KCNJ5: variants seen among roughly 807,000 people sequenced by gnomAD.
KCNJ5 encodes G protein-activated inward rectifier potassium channel 4.
Under a neutral mutation model 20.2 loss-of-function variants are expected in KCNJ5, and 12 were observed. The observed-to-expected ratio is 0.59, with a 90% confidence interval of 0.38 to 0.96. The LOEUF is 0.96. Ranked by LOEUF, KCNJ5 falls within the 40% of genes least tolerant of loss-of-function variation. The probability of loss-of-function intolerance (pLI) is 0.00; values close to 1 mark genes in which losing one functional copy is unlikely to be tolerated. For synonymous variants in KCNJ5, 210 were observed against 213.9 expected, an observed-to-expected ratio of 0.98 and a Z score of 0.16; for missense variants, 449 against 557.6, an observed-to-expected ratio of 0.81 and a Z score of 1.96.
chr11:128,907,942 G>A (rs747868968), intron 1 of KCNJ5, among the ~76,000 whole-genome samples: 5 of 152,170 alleles, frequency 3.3e-5, no homozygotes, highest in Non-Finnish European at 7.4e-5. Context: ...TTAATAGAAC[G>A]GATCTCGAAA....
In KCNJ5 at chr11:128,911,816, C is replaced by T. The variant is rs376924415; in HGVS notation, c.543C>T (p.Phe181=). ...QAILGSIVNA[F]MVGCMFVKIS... ...TCCTGGGCTCCATCGTCAATGCCTT[C>T]ATGGTGGGGTGCATGTTTGTCAAGA... The change falls in exon 2 of 3, where the codon TTC becomes TTT. Residue 181 remains phenylalanine (F), a synonymous_variant. Coordinates refer to ENST00000529694, the MANE Select transcript of KCNJ5 (RefSeq NM_000890.5). The surrounding 1 kb of genome is among the most constrained non-coding windows in gnomAD (Gnocchi z 6.3). 6.2e-7 allele frequency: 1 copy of T among 1,614,202 alleles called. No individual in the cohort carries two copies. Among genetic ancestry groups the T allele is most frequent in the African/African-American group, 1.3e-5 (1 of 75,050 alleles).
In KCNJ5 at chr11:128,907,872, C is replaced by T. The variant is rs76524184; in HGVS notation, c.-10-3392C>T. ...TTCTTCACTGCTTTATGTCCAGCTC[C>T]TAGCACAGGGGTTTGGCTATAGTAG... On this transcript the variant is annotated intron_variant, in intron 1 of 2. Coordinates refer to ENST00000529694, the MANE Select transcript of KCNJ5 (RefSeq NM_000890.5). Among the ~76,000 whole-genome samples the T allele has an allele frequency of 5.3e-4, 80 of 152,352 alleles. 1 individual carries two copies. In the East Asian group the frequency reaches 0.012, roughly 24 times the overall value.
At chr11:128,901,385 C>G (rs1386547219) in intron 1 of KCNJ5, 1 of 151,338 alleles carries the variant, frequency 6.6e-6, no homozygotes, top group Non-Finnish European at 1.5e-5. Flanking sequence ...GTAGTGCACG[C>G]AAACACACAC....
rs1235972259 is a variant in KCNJ5 at position 128,911,626 on chromosome 11, T to C, written c.353T>C (p.Leu118Pro). The change falls in exon 2 of 3, where the codon CTG becomes CCG. Residue 118 changes from leucine to proline, a missense_variant. Coordinates refer to ENST00000529694, the MANE Select transcript of KCNJ5 (RefSeq NM_000890.5). The surrounding 1 kb of genome is among the most constrained non-coding windows in gnomAD (Gnocchi z 6.3). Reference protein sequence around the residue: ...WWLIAYIRGDLDHVGDQEWIP... With the variant: ...WWLIAYIRGDPDHVGDQEWIP... ...CTCATTGCTTATATCCGGGGTGACC[T>C]GGACCATGTTGGCGACCAAGAGTGG... is the stretch of plus-strand genomic sequence containing the variant. 2.5e-6 allele frequency: 4 copies of C among 1,614,222 alleles called. No homozygotes were observed. In the South Asian group the frequency reaches 4.4e-5, roughly 18 times the overall value.
intron 1 of KCNJ5, among the ~76,000 whole-genome samples, chr11:128,895,442 G>C (rs1286598105): frequency 1.3e-5 from 2 of 149,570 alleles, no homozygotes; most frequent in Non-Finnish European, 3.0e-5. Flanking sequence ...GGAACCCTGG[G>C]CAGTGGGAGG....
chr11:128,904,986 TGC>T (rs1469612470), intron 1 of KCNJ5, among the ~76,000 whole-genome samples: 2 of 152,248 alleles, frequency 1.3e-5, no homozygotes, highest in Non-Finnish European at 2.9e-5. Flanking sequence ...CCGGGCTCTG[TGC>T]CATTAAACCT....
intron 1 of KCNJ5, among the ~76,000 whole-genome samples, chr11:128,908,860 C>T (rs1944462463): frequency 6.6e-6 from 1 of 152,130 alleles, no homozygotes. Context: ...ATACACGGGG[C>T]CTCGGGACAG....
intron 2 of KCNJ5, among the ~76,000 whole-genome samples, chr11:128,914,652 G>A (rs1467889642): frequency 6.6e-6 from 1 of 152,226 alleles, no homozygotes; most frequent in Non-Finnish European, 1.5e-5. Context: ...GCAAAGTGAG[G>A]AAAATCAATC....
In KCNJ5 at chr11:128,912,485, T is replaced by C. The variant is rs1468062153; in HGVS notation, c.937+275T>C. Among the ~76,000 whole-genome samples the C allele has an allele frequency of 2.7e-5, 4 of 146,758 alleles. No individual in the cohort carries two copies. In the East Asian group the frequency reaches 8.0e-4, roughly 29 times the overall value. ...ATGTCCTCCCACGCCCTATGAGATA[T>C]AGTGGGTTATTGTTGTTGTTGTTTT... On this transcript the variant is annotated intron_variant, in intron 2 of 2. Transcript: ENST00000529694.
intron 1 of KCNJ5, among the ~76,000 whole-genome samples, chr11:128,898,389 T>C (rs1415204270): frequency 6.6e-6 from 1 of 152,282 alleles, no homozygotes; most frequent in Non-Finnish European, 1.5e-5. Flanking sequence ...TTGTGTCGCC[T>C]TGGACATTAG....
At chr11:128,912,686 T>A (rs1465177924) in intron 2 of KCNJ5, among the ~76,000 whole-genome samples, 1 of 152,132 alleles carries the variant, frequency 6.6e-6, no homozygotes, top group Non-Finnish European at 1.5e-5. Context: ...AATTTTTGTA[T>A]TTTTAGTAGA....
chr11:128,912,019 TC>T lies in KCNJ5; in HGVS notation c.747del (p.Phe249LeufsTer4). The T allele has an allele frequency of 6.2e-7, 1 of 1,611,532 alleles. No individual in the cohort carries two copies. The highest frequency in any genetic ancestry group is 1.1e-5 in the South Asian group (1 of 91,002). ...TCCCGGCAGACCAAAGAGGGGGAGT[TC>T]ATCCCCCTGAACCAGACAGACATCA... The part of the protein sequence containing the change: ...IKSRQTKEGE[F>X]IPLNQTDINV... On this transcript the variant is annotated frameshift_variant, in exon 2 of 3. Coordinates refer to ENST00000529694, the MANE Select transcript of KCNJ5 (RefSeq NM_000890.5). LOFTEE classifies it high-confidence loss of function.
intron 1 of KCNJ5, chr11:128,902,459 G>A: frequency 2.1e-5 from 32 of 1,494,690 alleles, no homozygotes; most frequent in Non-Finnish European, 2.8e-5. Context: ...GGAGAAGGCA[G>A]CGAGGAACCC....
At chr11:128,899,761 G>A (rs767681221) in intron 1 of KCNJ5, 7 of 152,270 alleles carry the variant, frequency 4.6e-5, no homozygotes, top group Non-Finnish European at 7.4e-5. Context: ...TTTGATTTCC[G>A]TGCCCTTTTC....
rs1403348421 is a variant in KCNJ5, at chr11:128,912,035, G to A, written c.762G>A (p.Gln254=). The A allele has an allele frequency of 6.2e-7, 1 of 1,613,746 alleles. No homozygotes were observed. Among genetic ancestry groups the A allele is most frequent in the East Asian group, 2.2e-5 (1 of 44,886 alleles). The change falls in exon 2 of 3, where the codon CAG becomes CAA. Residue 254 remains glutamine, a synonymous_variant. Transcript: ENST00000529694. ...AGGGGGAGTTCATCCCCCTGAACCA[G>A]ACAGACATCAACGTGGGCTTTGACA... ...TKEGEFIPLN[Q]TDINVGFDTG...
chr11:128,913,800 C>A (rs1413729539), intron 2 of KCNJ5, among the ~76,000 whole-genome samples: 4 of 152,212 alleles, frequency 2.6e-5, no homozygotes, highest in Admixed American at 2.6e-4. Context: ...ACTTACAAAT[C>A]TGGAGCTTCT....
chr11:128,907,839 C>T (rs780208974), intron 1 of KCNJ5, among the ~76,000 whole-genome samples: 37 of 152,186 alleles, frequency 2.4e-4, no homozygotes, highest in Admixed American at 1.4e-3. Flanking sequence ...GCTGGCTCTG[C>T]GTTTATCTTC....
At chr11:128,892,456 G>C (rs940395066) in intron 1 of KCNJ5, among the ~76,000 whole-genome samples, 1 of 152,132 alleles carries the variant, frequency 6.6e-6, no homozygotes, top group South Asian at 2.1e-4. Flanking sequence ...CTCAGGTCCG[G>C]CCCCCAAAGT....
intron 1 of KCNJ5, chr11:128,903,450 C>G (rs746259029): frequency 1.2e-6 from 2 of 1,614,142 alleles, no homozygotes; most frequent in South Asian, 2.2e-5. Context: ...GCACATCCTG[C>G]CCAGCTGAGA....
Sources: allele counts gnomAD v4.1 joint callset (sites outside exome capture counted in the v4.1 genomes callset), GRCh38; gene constraint gnomAD v4.1.1; non-coding constraint Gnocchi (gnomAD v3.1); transcripts MANE v1.5; gene names NCBI Gene and HGNC (gene_info 2026-07-23, HGNC 2026-07-21).